Variants in SAMSN1 observed in about 807,000 individuals in gnomAD.
SAMSN1 encodes SAM domain-containing protein SAMSN-1.
SAMSN1 carries 31 observed loss-of-function variants against 42.0 expected under a neutral mutation model. The ratio of observed to expected loss-of-function variants is 0.74; its 90% confidence interval spans 0.55 to 1.00. The LOEUF (loss-of-function observed/expected upper bound fraction) is 1.00. SAMSN1 is among the 50% of genes least tolerant of loss of function. The probability of loss-of-function intolerance (pLI) is 0.00; values close to 1 mark genes in which losing one functional copy is unlikely to be tolerated. For missense variants in SAMSN1, 464 were observed against 439.4 expected (o/e 1.06, Z -0.50); for synonymous variants, 178 against 151.9 (o/e 1.17, Z -1.26).
At chr21:14,577,238 G>GTA (rs767931839) in intron 2 of SAMSN1, among the ~76,000 whole-genome samples, 1,029 of 28,028 alleles carry the variant, frequency 0.037, 18 homozygotes, top group Non-Finnish European at 0.049. Flanking sequence ...ATATATGTGT[G>GTA]TATATATATA....
At chr21:14,610,642 C>T (rs920492346) in intron 4 of SAMSN1, among the ~76,000 whole-genome samples, 2 of 152,082 alleles carry the variant, frequency 1.3e-5, no homozygotes, top group Non-Finnish European at 2.9e-5. Flanking sequence ...CCCACAGATA[C>T]CCAGCTTTAA....
At chr21:14,645,417 T>C (rs1983694722) in intron 1 of SAMSN1, among the ~76,000 whole-genome samples, 1 of 152,278 alleles carries the variant, frequency 6.6e-6, no homozygotes, top group Admixed American at 6.5e-5. Context: ...AAACCATCAA[T>C]GAGGTACTTT....
At position 14,545,768 on chromosome 21, in the gene SAMSN1, A is replaced by G. The variant is rs1053035668; in HGVS notation, c.57+437T>C. Among the ~76,000 whole-genome samples the G allele has an allele frequency of 3.3e-5, 5 of 152,342 alleles. No individual in the cohort carries two copies. In the South Asian group the frequency reaches 1.0e-3, roughly 32 times the overall value. ...GAGAAAAGTCTTATATTTAACCATA[A>G]CATTTCCATTTTACAACCTTCTTAT... is the stretch of plus-strand genomic sequence containing the variant. On this transcript the variant is annotated intron_variant, in intron 1 of 7. Coordinates refer to ENST00000400566, the MANE Select transcript of SAMSN1 (RefSeq NM_022136.5).
upstream of SAMSN1, chr21:14,546,392 C>T (rs1364286552): frequency 5.5e-6 from 8 of 1,458,144 alleles, no homozygotes; most frequent in East Asian, 7.3e-5. Flanking sequence ...CTTCCTCCTT[C>T]AGTCAGGATA....
chr21:14,648,900 C>G (rs371652164), intron 1 of SAMSN1, among the ~76,000 whole-genome samples: 177 of 151,672 alleles, frequency 1.2e-3, no homozygotes, highest in African/African-American at 3.9e-3. Flanking sequence ...TACCATTTGA[C>G]CCAGCCATCC....
intron 1 of SAMSN1, among the ~76,000 whole-genome samples, chr21:14,541,785 AG>A (rs1980048958): frequency 6.6e-6 from 1 of 152,292 alleles, no homozygotes; most frequent in South Asian, 2.1e-4. Flanking sequence ...TTGAATATTA[AG>A]AAAGTTGTTA....
chr21:14,538,389 A>G (rs1238508196), intron 1 of SAMSN1, among the ~76,000 whole-genome samples: 1 of 152,146 alleles, frequency 6.6e-6, no homozygotes, highest in Non-Finnish European at 1.5e-5. Flanking sequence ...AAATCTTTTA[A>G]CTTGTGGAAA....
intron 6 of SAMSN1, among the ~76,000 whole-genome samples, chr21:14,499,346 A>G (rs992834561): frequency 2.0e-5 from 3 of 152,134 alleles, no homozygotes; most frequent in Non-Finnish European, 4.4e-5. Flanking sequence ...TATTAAGTGA[A>G]GTTGAGTGCT....
chr21:14,515,524 A>G (rs937352859), intron 3 of SAMSN1, among the ~76,000 whole-genome samples: 69 of 152,198 alleles, frequency 4.5e-4, no homozygotes, highest in African/African-American at 1.5e-3. Context: ...ACCAAAATTT[A>G]AGAGACTATT....
chr21:14,588,980 T>C (rs1482658585), intron 7 of SAMSN1, among the ~76,000 whole-genome samples: 2 of 152,196 alleles, frequency 1.3e-5, no homozygotes, highest in Admixed American at 1.3e-4. Flanking sequence ...ATTTAACATG[T>C]ATATACTATG....
chr21:14,563,218 A>G (rs1269960000), intron 2 of SAMSN1, among the ~76,000 whole-genome samples: 1 of 152,220 alleles, frequency 6.6e-6, no homozygotes, highest in African/African-American at 2.4e-5. Context: ...TAATTTAACA[A>G]CTGTAAGATA....
At chr21:14,623,352 A>C (rs1983066991) in intron 2 of SAMSN1, among the ~76,000 whole-genome samples, 1 of 152,194 alleles carries the variant, frequency 6.6e-6, no homozygotes, top group Admixed American at 6.5e-5. Context: ...AAGACCCATC[A>C]GCGTCAGTGT....
intron 1 of SAMSN1, among the ~76,000 whole-genome samples, chr21:14,653,047 T>G (rs1430954246): frequency 1.3e-5 from 2 of 151,886 alleles, no homozygotes; most frequent in African/African-American, 2.4e-5. Flanking sequence ...TAAATGCTGG[T>G]GAAGATGTGG....
intron 1 of SAMSN1, among the ~76,000 whole-genome samples, chr21:14,537,910 A>G (rs1017461957): frequency 2.6e-5 from 4 of 152,210 alleles, no homozygotes; most frequent in East Asian, 1.9e-4. Flanking sequence ...CTGTTGCTCT[A>G]TAGGACCACA....
chr21:14,493,229 C>T (rs1190291085), intron 7 of SAMSN1, among the ~76,000 whole-genome samples: 1 of 152,190 alleles, frequency 6.6e-6, no homozygotes, highest in African/African-American at 2.4e-5. Context: ...CCCCTTCCTC[C>T]TCATTTGGCA....
upstream of SAMSN1, chr21:14,658,947 G>A: frequency 1.7e-6 from 1 of 582,346 alleles, no homozygotes; most frequent in Middle Eastern, 2.6e-4. Flanking sequence ...GGCTTTTGTT[G>A]AACAAACAAT....
chr21:14,555,102 T>C (rs769199036), intron 2 of SAMSN1, among the ~76,000 whole-genome samples: 1 of 152,208 alleles, frequency 6.6e-6, no homozygotes, highest in Non-Finnish European at 1.5e-5. Flanking sequence ...CCTGCTGGGC[T>C]GTGGAGAAAA....
rs562152212 is a variant in SAMSN1 at position 14,635,041 on chromosome 21, T to C, written c.156+7961A>G. Among the ~76,000 whole-genome samples the C allele has an allele frequency of 1.1e-4, 16 of 152,198 alleles. No homozygotes were observed. In the East Asian group the frequency reaches 2.9e-3, roughly 28 times the overall value. On this transcript the variant is annotated intron_variant, in intron 2 of 15. Transcript: ENST00000647101. Reference sequence around the variant, plus strand: ...ATCATGTCCTTTGCAGGGACATGGGTGAAGCTGGAAGCCATTATCCTCAGC... The same window carrying C: ...ATCATGTCCTTTGCAGGGACATGGGCGAAGCTGGAAGCCATTATCCTCAGC...
chr21:14,586,039 C>T (rs574002713), upstream of SAMSN1, among the ~76,000 whole-genome samples: 5 of 151,744 alleles, frequency 3.3e-5, no homozygotes, highest in African/African-American at 7.2e-5. Context: ...CTGAGGTGGG[C>T]GGATCATGAG....
Sources: gnomAD v4.1 joint callset for allele counts (sites outside exome capture counted in the v4.1 genomes callset) on GRCh38, gnomAD v4.1.1 for gene constraint, MANE v1.5 for transcripts, NCBI Gene and HGNC (gene_info 2026-07-23, HGNC 2026-07-21) for gene names.